VIRMA: variants seen among roughly 807,000 people sequenced by gnomAD.
The protein encoded by VIRMA is vir like m6A methyltransferase associated, also known as protein virilizer homolog.
In VIRMA, 65 loss-of-function variants were observed where a neutral mutation model predicts 182.4. The observed-to-expected ratio is 0.36, with a 90% CI of 0.29 to 0.44. VIRMA has a LOEUF of 0.44. VIRMA is among the 20% of genes least tolerant of loss of function. The pLI is 1.00. For synonymous variants in VIRMA, 709 were observed against 743.1 expected (o/e 0.95, Z 0.75); for missense variants, 1,752 against 2,158.1 (o/e 0.81, Z 3.73).
chr8:94,499,519 AAAAT>A lies in VIRMA; in HGVS notation c.4098-17_4098-14del. 2.1e-6 allele frequency: 3 copies of A among 1,426,508 alleles called. No individual in the cohort carries two copies. The highest frequency in any genetic ancestry group is 2.9e-6 in the Non-Finnish European group (3 of 1,028,468). 88.4% of individuals were successfully genotyped at this position (1,426,508 alleles called of 1,614,324 possible). The stretch of plus-strand genomic sequence containing the variant: ...TTTCCTTAAAGAACTGTAAATAAAG[AAAAT>A]AAAGAGAAGATATTATCTTAAAATA... On this transcript the variant is annotated splice_polypyrimidine_tract_variant and intron_variant, in intron 16 of 23. Coordinates refer to ENST00000297591, the MANE Select transcript of VIRMA (RefSeq NM_015496.5).
intron 21 of VIRMA, among the ~76,000 whole-genome samples, chr8:94,492,409 G>A (rs112194608): frequency 0.057 from 8,570 of 150,572 alleles, 277 homozygotes; most frequent in South Asian, 0.088. Context: ...TCAGCCTCCC[G>A]AGTAGCTGGG....
chr8:94,526,320 G>A lies in VIRMA; in HGVS notation c.1924C>T (p.Pro642Ser), dbSNP rs1420748717. ...EEVFHLMETA[P>S]HTMIQQPVKS... Reference sequence around the variant, plus strand: ...ACAGGTTGTTGGATCATTGTATGAGGGGCAGTTTCCATTAAATGAAAAACT... The same window carrying A: ...ACAGGTTGTTGGATCATTGTATGAGAGGCAGTTTCCATTAAATGAAAAACT... Residue 642 changes from proline to serine, a missense_variant, in exon 8 of 24, where the codon CCT becomes TCT. Physicochemically the swap from Pro to Ser is moderately conservative, Grantham distance 74. Transcript: ENST00000297591. 3 of 1,613,684 alleles carry A rather than the reference G, an allele frequency of 1.9e-6. No individual in the cohort carries two copies. The highest frequency in any genetic ancestry group is 2.7e-5 in the African/African-American group (2 of 74,906).
chr8:94,497,332 G>A (rs1394420759), intron 17 of VIRMA: 1 of 151,958 alleles, frequency 6.6e-6, no homozygotes, highest in East Asian at 1.9e-4. Context: ...TCAAATCCTG[G>A]GCTCAAGCAA....
chr8:94,523,915 C>A (rs113455656), intron 8 of VIRMA, among the ~76,000 whole-genome samples: 22,332 of 152,036 alleles, frequency 0.15, 2,040 homozygotes, highest in South Asian at 0.3. Context: ...GCCTCAGCCT[C>A]CCAAGTAGCT....
Position 94,553,463 on chromosome 8 carries a change from G to T in VIRMA, c.-16C>A, listed in dbSNP as rs1423562858. 3 of 1,613,380 alleles carry T rather than the reference G, an allele frequency of 1.9e-6. No homozygotes were observed. The highest frequency in any genetic ancestry group is 2.5e-6 in the Non-Finnish European group (3 of 1,179,482). On this transcript the variant is annotated 5_prime_UTR_variant, in exon 1 of 24. Transcript: ENST00000297591. ...CCACCGCCATGTTTGCCGCGGGCGG[G>T]GAACAGGGGGGAGGACTTCCGGGGC...
intron 18 of VIRMA, chr8:94,496,092 G>A: frequency 1.6e-6 from 1 of 613,266 alleles, no homozygotes; most frequent in Non-Finnish European, 2.7e-6. Flanking sequence ...AGCAGCAGAG[G>A]GTACCCTGCT....
rs376655007 is a variant in VIRMA, at chr8:94,542,424, T to A, written c.179+1403A>T. Among the ~76,000 whole-genome samples, 8 of 152,298 alleles carry A rather than the reference T, an allele frequency of 5.3e-5. No homozygotes were observed. In the South Asian group the frequency reaches 1.0e-3, roughly 20 times the overall value. Reference sequence around the variant, plus strand: ...CTTCAGCCCCAGTGTATATCTTGACTACAACTTCATGAAAGAACCTGAGCC... The same window carrying A: ...CTTCAGCCCCAGTGTATATCTTGACAACAACTTCATGAAAGAACCTGAGCC... On this transcript the variant is annotated intron_variant, in intron 2 of 23. Transcript: ENST00000297591.
At chr8:94,548,573 A>G (rs535570292) in intron 1 of VIRMA, among the ~76,000 whole-genome samples, 12 of 151,404 alleles carry the variant, frequency 7.9e-5, no homozygotes, top group Non-Finnish European at 1.6e-4. Flanking sequence ...CCTTGCTTAA[A>G]TCTGATTTTA....
In VIRMA at chr8:94,529,153, T is replaced by C. The variant is rs1170853882; in HGVS notation, c.797A>G (p.Asp266Gly). The change falls in exon 7 of 24, where the codon GAT (aspartate) becomes GGT (glycine). Residue 266 changes from aspartate (D) to glycine (G), a missense_variant. By Grantham distance (94) the Asp-to-Gly change is moderately conservative (BLOSUM62 -1). Coordinates refer to ENST00000297591, the MANE Select transcript of VIRMA (RefSeq NM_015496.5). ...DVEEEEDEDE[D>G]DRRTVDSIPE... ...AATACTGTCTACTGTTCGTCGATCA[T>C]CCTCATCCTCATCCTCTTCTTCCTC... 1 of 1,381,680 alleles carries C rather than the reference T, an allele frequency of 7.2e-7. No homozygotes were observed. Among genetic ancestry groups the C allele is most frequent in the Non-Finnish European group, 1.0e-6 (1 of 969,326 alleles). The allele number at this position is 1,381,680 out of a possible 1,614,324, so 85.6% of individuals were successfully genotyped here. A position where few individuals can be genotyped will look rare whatever the true frequency, so the allele number is the denominator to read the frequency against.
intron 5 of VIRMA, among the ~76,000 whole-genome samples, chr8:94,534,635 A>C: frequency 1.0e-4 from 13 of 128,334 alleles, no homozygotes; most frequent in Middle Eastern, 3.7e-3. Flanking sequence ...TCTTCCTCCT[A>C]TCTCCCCCTC....
chr8:94,493,542 G>A (rs954511390), intron 20 of VIRMA, among the ~76,000 whole-genome samples: 4 of 152,130 alleles, frequency 2.6e-5, no homozygotes, highest in African/African-American at 4.8e-5. Context: ...TTGTACAACA[G>A]GCACATGAGG....
intron 1 of VIRMA, among the ~76,000 whole-genome samples, chr8:94,549,154 T>C (rs1484922114): frequency 2.0e-5 from 3 of 152,264 alleles, no homozygotes; most frequent in African/African-American, 7.2e-5. Context: ...TAACTGCTTA[T>C]CTTCTGAACT....
chr8:94,539,615 A>G (rs1815468726), intron 2 of VIRMA, among the ~76,000 whole-genome samples: 1 of 152,228 alleles, frequency 6.6e-6, no homozygotes, highest in East Asian at 1.9e-4. Context: ...CACTTCTGGT[A>G]GAAGCACAAA....
intron 10 of VIRMA, 120 bp from the exon 11 acceptor site, chr8:94,515,071 C>T: frequency 2.0e-6 from 1 of 506,396 alleles, no homozygotes. Context: ...ATCTAAACTT[C>T]ATGCAGGGAT....
rs1336871814 is a variant in VIRMA, at chr8:94,488,549, T to G, written c.*157A>C. The G allele has an allele frequency of 3.4e-6, 2 of 596,952 alleles. No individual in the cohort carries two copies. The highest frequency in any genetic ancestry group is 5.5e-6 in the Non-Finnish European group (2 of 364,252). The allele number at this position is 596,952 out of a possible 1,614,324, so 37.0% of individuals were successfully genotyped here. ...TACAAAGTTTGGATTTTTATTGAAA[T>G]CTTGTTAGGTATCAAACAAATTCTG... is the stretch of plus-strand genomic sequence containing the variant. On this transcript the variant is annotated 3_prime_UTR_variant, in exon 24 of 24. Coordinates refer to ENST00000297591, the MANE Select transcript of VIRMA (RefSeq NM_015496.5).
At chr8:94,514,762 G>A (rs1814503066) in intron 11 of VIRMA, 107 bp downstream of exon 11, 1 of 608,774 alleles carries the variant, frequency 1.6e-6, no homozygotes. Flanking sequence ...ATCAATCAAG[G>A]ACACTTAACA....
chr8:94,495,697 C>G (rs765647210), intron 19 of VIRMA, 34 bp downstream of exon 19: 2 of 1,586,342 alleles, frequency 1.3e-6, no homozygotes, highest in Admixed American at 1.7e-5. Context: ...TTAAAACCAA[C>G]AGCTATTCAA....
At chr8:94,501,580 A>G (rs1313972800) in intron 16 of VIRMA, among the ~76,000 whole-genome samples, 27 of 152,194 alleles carry the variant, frequency 1.8e-4, no homozygotes. Context: ...AGATAATGAG[A>G]GCTGAATTTC....
intron 16 of VIRMA, among the ~76,000 whole-genome samples, chr8:94,504,046 T>G (rs1034496690): frequency 6.6e-6 from 1 of 152,038 alleles, no homozygotes; most frequent in African/African-American, 2.4e-5. Context: ...TGGTGGTGCA[T>G]GCCTGTAGTC....
Sources: allele counts gnomAD v4.1 joint callset (sites outside exome capture counted in the v4.1 genomes callset), GRCh38; gene constraint gnomAD v4.1.1; transcripts MANE v1.5; gene names NCBI Gene and HGNC (gene_info 2026-07-23, HGNC 2026-07-21).